The following STXBP5L variants were observed in gnomAD, a reference collection of about 807,000 sequenced individuals.
The protein encoded by STXBP5L is syntaxin-binding protein 5-like.
Under a neutral mutation model 144.5 loss-of-function variants are expected in STXBP5L, and 65 were observed. The observed-to-expected ratio is 0.45, with a 90% CI of 0.37 to 0.55. The LOEUF is 0.55. STXBP5L is among the 20% of genes least tolerant of loss of function. The pLI is 0.00. For synonymous variants in STXBP5L, 505 were observed against 469.6 expected, an observed-to-expected ratio of 1.08 and a Z score of -0.97; for missense variants, 1,298 against 1,405.5, an observed-to-expected ratio of 0.92 and a Z score of 1.22.
chr3:120,922,846 G>T (rs1008553103), intron 2 of STXBP5L, among the ~76,000 whole-genome samples: 2 of 151,772 alleles, frequency 1.3e-5, no homozygotes, highest in African/African-American at 4.8e-5. Context: ...TTGTGTCTTT[G>T]TCTGGTTTTC....
intron 5 of STXBP5L, among the ~76,000 whole-genome samples, chr3:121,094,498 G>T (rs1040928711): frequency 6.6e-6 from 1 of 152,198 alleles, no homozygotes; most frequent in South Asian, 2.1e-4. Flanking sequence ...AGCTCTTCTT[G>T]TTGAATTAGT....
chr3:121,312,434 A>G (rs1264797762), intron 19 of STXBP5L, among the ~76,000 whole-genome samples: 1 of 106,410 alleles, frequency 9.4e-6, no homozygotes, highest in Non-Finnish European at 1.9e-5. Flanking sequence ...TTTTGACTTA[A>G]GGTATGTCAA....
At chr3:121,144,932 C>T (rs2045657075) in intron 7 of STXBP5L, among the ~76,000 whole-genome samples, 1 of 151,872 alleles carries the variant, frequency 6.6e-6, no homozygotes, top group African/African-American at 2.4e-5. Context: ...CACTATTCAA[C>T]TTATATCAGG....
chr3:121,059,867 TG>T lies in STXBP5L; in HGVS notation c.470+14336del, dbSNP rs539551943. Among the ~76,000 whole-genome samples, 12 of 152,340 alleles carry T rather than the reference TG, an allele frequency of 7.9e-5. No homozygotes were observed. In the South Asian group the frequency reaches 2.5e-3, roughly 32 times the overall value. ...AGTTGCTTATCAGCTTAAGGAGATT[TG>T]GGGCTGAGACTATGGGGTTTTCTAA... On this transcript the variant is annotated intron_variant, in intron 5 of 26. Transcript: ENST00000471454.
chr3:121,395,368 G>A (rs2046703353), intron 22 of STXBP5L, among the ~76,000 whole-genome samples: 1 of 152,090 alleles, frequency 6.6e-6, no homozygotes, highest in Non-Finnish European at 1.5e-5. Flanking sequence ...AAACAAATAA[G>A]AAATTAAAAA....
chr3:121,185,413 G>T (rs1462255365), intron 9 of STXBP5L, among the ~76,000 whole-genome samples: 2 of 152,146 alleles, frequency 1.3e-5, no homozygotes, highest in Non-Finnish European at 2.9e-5. Flanking sequence ...TTTTCTTCTA[G>T]GGTTTTTATG....
intron 2 of STXBP5L, among the ~76,000 whole-genome samples, chr3:120,932,587 T>C (rs1233589773): frequency 3.7e-5 from 2 of 54,086 alleles, no homozygotes; most frequent in Non-Finnish European, 9.5e-5. Context: ...AGAAATAAAA[T>C]TAACACTGTT....
At chr3:121,158,660 C>G (rs1045860301) in intron 9 of STXBP5L, 4 of 152,144 alleles carry the variant, frequency 2.6e-5, no homozygotes, top group African/African-American at 9.7e-5. Flanking sequence ...TAGATATTAG[C>G]TATACATACC....
chr3:121,204,302 G>T (rs1168498052), intron 9 of STXBP5L, among the ~76,000 whole-genome samples: 2 of 152,064 alleles, frequency 1.3e-5, no homozygotes, highest in African/African-American at 2.4e-5. Flanking sequence ...AAGACATCAT[G>T]ATCTACATAT....
At chr3:121,334,919 A>C (rs1039378415) in intron 20 of STXBP5L, among the ~76,000 whole-genome samples, 1 of 152,042 alleles carries the variant, frequency 6.6e-6, no homozygotes. Context: ...CTCACCCACC[A>C]CTCCTATTTA....
chr3:120,928,639 A>T (rs1043166857), intron 2 of STXBP5L, among the ~76,000 whole-genome samples: 7 of 147,262 alleles, frequency 4.8e-5, no homozygotes, highest in East Asian at 4.1e-4. Flanking sequence ...TGGTATACAG[A>T]GTGTGTGTGT....
At chr3:121,206,829 T>C (rs1192703354) in intron 10 of STXBP5L, among the ~76,000 whole-genome samples, 6 of 151,986 alleles carry the variant, frequency 3.9e-5, no homozygotes, top group Admixed American at 1.3e-4. Flanking sequence ...GAAAAAAAAG[T>C]AGCCATATCC....
intron 3 of STXBP5L, among the ~76,000 whole-genome samples, chr3:120,968,957 G>C (rs1183897123): frequency 2.0e-5 from 3 of 151,982 alleles, no homozygotes; most frequent in African/African-American, 7.2e-5. Context: ...TAGACACTTA[G>C]GTTAGTTCCA....
At chr3:121,301,872 A>T (rs371265271) in intron 19 of STXBP5L, among the ~76,000 whole-genome samples, 1 of 152,236 alleles carries the variant, frequency 6.6e-6, no homozygotes, top group Non-Finnish European at 1.5e-5. Context: ...ATGTTGAACC[A>T]GCCTTGCATC....
rs1947458708 is a variant in STXBP5L, at chr3:121,045,549, A to T, written c.470+14A>T. On this transcript the variant is annotated intron_variant, in intron 5 of 26. Transcript: ENST00000471454. ...TAACCGGGAACGGTAAGAACCTATG[A>T]ATTAAACAATTTCTTAATGTACAAC... The T allele has an allele frequency of 6.3e-7, 1 of 1,593,348 alleles. No individual in the cohort carries two copies. The highest frequency in any genetic ancestry group is 1.8e-5 in the Admixed American group (1 of 55,234).
At chr3:120,990,816 T>C (rs566489387) in intron 3 of STXBP5L, among the ~76,000 whole-genome samples, 2 of 152,312 alleles carry the variant, frequency 1.3e-5, no homozygotes, top group Admixed American at 6.5e-5. Context: ...TTACACGTTA[T>C]ACAAAAATTA....
At chr3:121,396,177 A>C (rs2046725606) in intron 22 of STXBP5L, among the ~76,000 whole-genome samples, 1 of 152,204 alleles carries the variant, frequency 6.6e-6, no homozygotes, top group African/African-American at 2.4e-5. Context: ...AGGCTCAAAA[A>C]ATTTAGTTAA....
rs529793053 is a variant in STXBP5L, at chr3:121,161,639, G to A, written c.877+4012G>A. Among the ~76,000 whole-genome samples, 22 of 151,960 alleles carry A rather than the reference G, an allele frequency of 1.4e-4. 1 individual carries two copies. The South Asian group carries it at 4.6e-3, about 32-fold the overall frequency. ...TGTTGATGGCATTGTTCTTATAGCT[G>A]GTTGCTGCTGTTGCTGCAAACATCG... On this transcript the variant is annotated intron_variant, in intron 9 of 26. Transcript: ENST00000471454.
intron 19 of STXBP5L, among the ~76,000 whole-genome samples, chr3:121,297,892 G>A (rs1314011158): frequency 6.6e-6 from 1 of 152,314 alleles, no homozygotes; most frequent in African/African-American, 2.4e-5. Flanking sequence ...GAAATTAAAA[G>A]TTCATGGTTG....
Sources: allele counts gnomAD v4.1 joint callset (sites outside exome capture counted in the v4.1 genomes callset), GRCh38; gene constraint gnomAD v4.1.1; transcripts MANE v1.5; gene names NCBI Gene and HGNC (gene_info 2026-07-23, HGNC 2026-07-21).